The following CA5B variants were observed in gnomAD, a reference collection of about 807,000 sequenced individuals.
CA5B encodes carbonic anhydrase 5B, also known as carbonic anhydrase 5B, mitochondrial.
CA5B carries 15 observed loss-of-function variants against 23.1 expected under a neutral mutation model. That is an observed-to-expected ratio of 0.65 (90% confidence interval 0.43 to 1.00). The LOEUF (loss-of-function observed/expected upper bound fraction) is 1.00. CA5B is among the 50% of genes least tolerant of loss of function. The pLI is 0.00. For missense variants in CA5B, 236 were observed against 252.2 expected (o/e 0.94, Z 0.43); for synonymous variants, 84 against 98.5 (o/e 0.85, Z 0.87).
At chrX:15,773,758 C>T (rs1003363417) in intron 4 of CA5B, among the ~76,000 whole-genome samples, 1 of 111,013 alleles carries the variant, frequency 9.0e-6, no homozygotes, top group African/African-American at 3.3e-5. Flanking sequence ...TTCACTATGT[C>T]GTCCAGGCTG....
chrX:15,754,997 A>G (rs1931459866), intron 2 of CA5B, among the ~76,000 whole-genome samples: 1 of 112,423 alleles, frequency 8.9e-6, no homozygotes, highest in African/African-American at 3.2e-5. Context: ...GTTCTATTTG[A>G]CAGCAGTAAT....
At chrX:15,775,202 AG>A in intron 5 of CA5B, 43 bp from the exon 6 acceptor site, 1 of 990,437 alleles carries the variant, frequency 1.0e-6, no homozygotes, top group Non-Finnish European at 1.4e-6. Context: ...TTCTACAGTG[AG>A]ATGTCCATTG....
chrX:15,776,324 G>C (rs187568775), intron 6 of CA5B, among the ~76,000 whole-genome samples: 247 of 88,576 alleles, frequency 2.8e-3, no homozygotes, highest in Middle Eastern at 0.016. Context: ...GGGCGACAGA[G>C]CGAGACTCTG....
At chrX:15,763,822 C>G (rs1447905891) in intron 2 of CA5B, among the ~76,000 whole-genome samples, 1 of 112,169 alleles carries the variant, frequency 8.9e-6, no homozygotes, top group African/African-American at 3.2e-5. Context: ...GTATAACTCT[C>G]AGTCTGAGGC....
intron 3 of CA5B, among the ~76,000 whole-genome samples, chrX:15,767,820 C>T (rs1294412034): frequency 9.3e-6 from 1 of 107,182 alleles, no homozygotes; most frequent in Non-Finnish European, 1.9e-5. Flanking sequence ...GAACTCCTGA[C>T]CTCAGGACCT....
At chrX:15,780,809 G>A (rs1283246433) in intron 7 of CA5B, among the ~76,000 whole-genome samples, 2 of 111,752 alleles carry the variant, frequency 1.8e-5, no homozygotes, top group African/African-American at 6.5e-5. Flanking sequence ...GCTTTCAGTC[G>A]TAGTTCTGCC....
At chrX:15,776,281 G>C (rs946692451) in intron 6 of CA5B, 1 of 101,290 alleles carries the variant, frequency 9.9e-6, no homozygotes, top group African/African-American at 3.7e-5. Flanking sequence ...GGAGCTTGCA[G>C]TGAGCCGAGA....
At chrX:15,781,268 C>T (rs989208004) in intron 7 of CA5B, among the ~76,000 whole-genome samples, 9 of 111,346 alleles carry the variant, frequency 8.1e-5, no homozygotes, top group Middle Eastern at 4.6e-3. Context: ...TAGGCCACCA[C>T]GCCCGGCCTA....
Position 15,774,296 on chromosome X carries a change from T to C in CA5B, c.460-6T>C. 3 of 1,206,064 alleles carry C rather than the reference T, an allele frequency of 2.5e-6. No homozygotes were observed. Among genetic ancestry groups the C allele is most frequent in the Non-Finnish European group, 3.4e-6 (3 of 893,082 alleles). ...ACGTGTTAACCCTCTTTTCATGGTG[T>C]TTCAGCTGCACTTAGTGCATTGGAA... is the stretch of plus-strand genomic sequence containing the variant. On this transcript the variant is annotated splice_region_variant and splice_polypyrimidine_tract_variant and intron_variant, in intron 4 of 7. Transcript: ENST00000318636.
At chrX:15,765,595 T>G (rs1008316468) in intron 3 of CA5B, among the ~76,000 whole-genome samples, 3 of 110,434 alleles carry the variant, frequency 2.7e-5, no homozygotes, top group African/African-American at 9.9e-5. Flanking sequence ...TATCAACCAG[T>G]GGTAATTCTG....
chrX:15,784,958 C>T lies in CA5B; in HGVS notation c.*2294C>T, dbSNP rs1335817547. On this transcript the variant is annotated 3_prime_UTR_variant, in exon 8 of 8. Coordinates refer to ENST00000318636, the MANE Select transcript of CA5B (RefSeq NM_007220.4). ...AACATGAAAATATGCTCAACATTGC[C>T]AATTATTAGGGAAATGCAAATCAAA... 2 of 111,878 alleles carry T rather than the reference C, an allele frequency of 1.8e-5. No individual in the cohort carries two copies. 9.2% of individuals were successfully genotyped at this position (111,878 alleles called of 1,213,427 possible).
At chrX:15,757,926 C>T (rs899822615) in intron 2 of CA5B, among the ~76,000 whole-genome samples, 13 of 110,532 alleles carry the variant, frequency 1.2e-4, no homozygotes, top group Non-Finnish European at 2.3e-4. Flanking sequence ...CTGTTTTTAG[C>T]GTAGGAGCAA....
At chrX:15,746,051 A>G (rs1480865259) in intron 1 of CA5B, among the ~76,000 whole-genome samples, 2 of 2,065 alleles carry the variant, frequency 9.7e-4, no homozygotes, top group African/African-American at 1.9e-3. Context: ...TTTTTTTGAG[A>G]CGGAGTCTCG....
chrX:15,756,103 CT>C (rs1400841911), intron 2 of CA5B, among the ~76,000 whole-genome samples: 1 of 111,522 alleles, frequency 9.0e-6, no homozygotes, highest in Non-Finnish European at 1.9e-5. Context: ...TTGAAAGATG[CT>C]TTATTTAAGG....
chrX:15,781,698 A>G (rs1932026428), intron 7 of CA5B, among the ~76,000 whole-genome samples: 2 of 111,477 alleles, frequency 1.8e-5, no homozygotes, highest in South Asian at 7.6e-4. Flanking sequence ...GGATCACTTG[A>G]GGCCAGGAGT....
chrX:15,762,142 C>T (rs889157174), intron 2 of CA5B, among the ~76,000 whole-genome samples: 1 of 109,383 alleles, frequency 9.1e-6, no homozygotes. Flanking sequence ...TGGTGGCATG[C>T]GCCTGTAATC....
rs1365020095 is a variant in CA5B at position 15,785,911 on chromosome X, C to G, written c.*3247C>G. The G allele has an allele frequency of 2.7e-5, 3 of 110,348 alleles. No individual in the cohort carries two copies. 9.1% of individuals were successfully genotyped at this position (110,348 alleles called of 1,213,427 possible). On this transcript the variant is annotated 3_prime_UTR_variant, in exon 8 of 8. Transcript: ENST00000318636. ...TTTTTGAGACAGAGTCGCGCTGTCA[C>G]CCGGGCTGGAGTGCAGTGGCGCGAT...
Position 15,772,519 on chromosome X carries a change from C to T in CA5B, c.364C>T (p.His122Tyr). The T allele has an allele frequency of 3.3e-6, 4 of 1,205,812 alleles. No homozygotes were observed. In the South Asian group the frequency reaches 5.3e-5, roughly 16 times the overall value. The change falls in exon 4 of 8, where the codon CAC becomes TAC. Residue 122 changes from histidine to tyrosine, a missense_variant. By Grantham distance (83) the His-to-Tyr change is moderately conservative (BLOSUM62 2). Coordinates refer to ENST00000318636, the MANE Select transcript of CA5B (RefSeq NM_007220.4). ...KSVIKGGPLE[H>Y]NYRLKQFHFH... is the part of the protein sequence containing the mutation. Reference sequence around the variant, plus strand: ...AGTGATCAAGGGAGGACCCCTGGAACACAACTACCGATTGAAGCAGTTCCA... The same window carrying T: ...AGTGATCAAGGGAGGACCCCTGGAATACAACTACCGATTGAAGCAGTTCCA...
Position 15,775,243 on chromosome X carries a change from T to A in CA5B, c.556-3T>A. On this transcript the variant is annotated splice_region_variant and splice_polypyrimidine_tract_variant and intron_variant, in intron 5 of 7. Coordinates refer to ENST00000318636, the MANE Select transcript of CA5B (RefSeq NM_007220.4). Reference sequence around the variant, plus strand: ...TAATATTTTCTTACTTGTTGTTCTTTAGCTAGGCAAACATCATAAGGAGCT... The same window carrying A: ...TAATATTTTCTTACTTGTTGTTCTTAAGCTAGGCAAACATCATAAGGAGCT... 8.5e-7 allele frequency: 1 copy of A among 1,182,795 alleles called. No homozygotes were observed. The highest frequency in any genetic ancestry group is 1.1e-6 in the Non-Finnish European group (1 of 873,716).
Sources: gnomAD v4.1 joint callset for allele counts (sites outside exome capture counted in the v4.1 genomes callset) on GRCh38, gnomAD v4.1.1 for gene constraint, MANE v1.5 for transcripts, NCBI Gene and HGNC (gene_info 2026-07-23, HGNC 2026-07-21) for gene names.